Variants in ANTXR1 observed in about 807,000 individuals in gnomAD.
ANTXR1 encodes ANTXR cell adhesion molecule 1.
ANTXR1 carries 19 observed loss-of-function variants against 78.1 expected under a neutral mutation model. That is an observed-to-expected ratio of 0.24 (90% CI 0.17 to 0.36). The LOEUF (loss-of-function observed/expected upper bound fraction) is 0.36, where lower values mean the gene tolerates loss of function less well. ANTXR1 is among the 10% of genes least tolerant of loss of function. The probability of loss-of-function intolerance (pLI) is 1.00; values close to 1 mark genes in which losing one functional copy is unlikely to be tolerated. For missense variants in ANTXR1, 518 were observed against 718.6 expected (o/e 0.72, Z 3.19); for synonymous variants, 273 against 260.5 (o/e 1.05, Z -0.46).
chr2:69,209,475 A>C (rs1395231358), intron 17 of ANTXR1, among the ~76,000 whole-genome samples: 1 of 152,240 alleles, frequency 6.6e-6, no homozygotes, highest in African/African-American at 2.4e-5. Flanking sequence ...TTGTTGTGCT[A>C]AACACTAGTA....
chr2:69,089,851 G>A (rs1450502216), intron 8 of ANTXR1, among the ~76,000 whole-genome samples: 2 of 152,132 alleles, frequency 1.3e-5, no homozygotes, highest in African/African-American at 4.8e-5. Context: ...CATTTGGTTG[G>A]TAAATTAACT....
chr2:69,152,419 G>A (rs997798671), intron 13 of ANTXR1, among the ~76,000 whole-genome samples, 155 bp downstream of exon 13: 1 of 152,188 alleles, frequency 6.6e-6, no homozygotes, highest in African/African-American at 2.4e-5. Flanking sequence ...AACTGACATT[G>A]ATCAATGGAA....
At chr2:69,200,295 A>C (rs1243074623) in intron 17 of ANTXR1, among the ~76,000 whole-genome samples, 1 of 152,246 alleles carries the variant, frequency 6.6e-6, no homozygotes, top group East Asian at 1.9e-4. Context: ...GTAAATGTAC[A>C]TAAACAATGT....
chr2:69,247,708 T>C lies in ANTXR1; in HGVS notation c.*2223T>C, dbSNP rs1040450205. 6.6e-6 allele frequency: 1 copy of C among 152,536 alleles called. No individual in the cohort carries two copies. The highest frequency in any genetic ancestry group is 1.5e-5 in the Non-Finnish European group (1 of 68,016). 9.4% of individuals were successfully genotyped at this position (152,536 alleles called of 1,614,324 possible). On this transcript the variant is annotated 3_prime_UTR_variant, in exon 18 of 18. Transcript: ENST00000303714. ...GACATTGAGCCCATCACAACTGTTT[T>C]GACTGCTGGCAGTCTAAAACAGTCC...
intron 17 of ANTXR1, among the ~76,000 whole-genome samples, chr2:69,227,928 G>T (rs1033113801): frequency 6.6e-6 from 1 of 152,206 alleles, no homozygotes; most frequent in Non-Finnish European, 1.5e-5. Context: ...AGCAGCTTTT[G>T]CAAGGAAGGC....
At chr2:69,028,838 T>C (rs1264510454) in intron 1 of ANTXR1, among the ~76,000 whole-genome samples, 4 of 152,142 alleles carry the variant, frequency 2.6e-5, no homozygotes, top group Non-Finnish European at 4.4e-5. Flanking sequence ...ACATTGAATA[T>C]TGCAAAAAAG....
chr2:69,023,221 T>C (rs1184085499), intron 1 of ANTXR1, among the ~76,000 whole-genome samples: 1 of 152,204 alleles, frequency 6.6e-6, no homozygotes, highest in Non-Finnish European at 1.5e-5. Flanking sequence ...TTAAAACCTT[T>C]AATTAACCAT....
At chr2:69,056,669 CT>C (rs1025303514) in intron 3 of ANTXR1, among the ~76,000 whole-genome samples, 3 of 151,840 alleles carry the variant, frequency 2.0e-5, no homozygotes, top group African/African-American at 7.3e-5. Context: ...TCATATTAAA[CT>C]TTTTTTAAAA....
chr2:69,195,042 C>T (rs1674636494), intron 17 of ANTXR1, among the ~76,000 whole-genome samples: 1 of 151,208 alleles, frequency 6.6e-6, no homozygotes, highest in Non-Finnish European at 1.5e-5. Context: ...GTGGTGGGCA[C>T]CTGTAATCCC....
intron 8 of ANTXR1, among the ~76,000 whole-genome samples, chr2:69,084,562 G>A (rs1573856875): frequency 6.8e-6 from 1 of 146,278 alleles, no homozygotes; most frequent in Non-Finnish European, 1.5e-5. Flanking sequence ...AAATACGTGT[G>A]TATAATATTC....
intron 3 of ANTXR1, among the ~76,000 whole-genome samples, chr2:69,045,542 G>T (rs185183683): frequency 6.6e-6 from 1 of 152,100 alleles, no homozygotes. Context: ...ACACATGTGG[G>T]ATTATTGGGA....
chr2:69,103,340 A>G (rs1014171245), intron 10 of ANTXR1: 2 of 322,126 alleles, frequency 6.2e-6, no homozygotes, highest in Non-Finnish European at 1.2e-5. Context: ...CAGAAACATG[A>G]GCCTCCTTAA....
At chr2:69,170,398 G>C (rs1265461794) in intron 14 of ANTXR1, 109 bp downstream of exon 14, 1 of 1,318,350 alleles carries the variant, frequency 7.6e-7, no homozygotes, top group Non-Finnish European at 1.1e-6. Context: ...GCTAAGTCAA[G>C]CTCAAAGGAT....
intron 12 of ANTXR1, among the ~76,000 whole-genome samples, chr2:69,142,924 C>A (rs904660791): frequency 1.3e-5 from 2 of 152,134 alleles, no homozygotes; most frequent in African/African-American, 4.8e-5. Context: ...CCAGGGATTT[C>A]ATGGACCCCC....
chr2:69,102,698 TG>T, intron 9 of ANTXR1, 143 bp from the exon 10 acceptor site: 1 of 840,996 alleles, frequency 1.2e-6, no homozygotes, highest in Non-Finnish European at 2.0e-6. Flanking sequence ...GGAACCCACC[TG>T]GTTGCTTTTG....
intron 12 of ANTXR1, chr2:69,145,373 A>G (rs1469517998): frequency 6.3e-7 from 1 of 1,597,600 alleles, no homozygotes; most frequent in Non-Finnish European, 8.5e-7. Flanking sequence ...CTTGCATGGA[A>G]TAGCAGAGAA....
chr2:69,178,902 G>A (rs1027342006), intron 14 of ANTXR1, among the ~76,000 whole-genome samples: 6 of 152,132 alleles, frequency 3.9e-5, no homozygotes, highest in African/African-American at 1.2e-4. Context: ...GAACCTAGTT[G>A]AGTCCCCTGT....
At chr2:69,079,714 G>A (rs1269295723) in intron 8 of ANTXR1, among the ~76,000 whole-genome samples, 1 of 152,218 alleles carries the variant, frequency 6.6e-6, no homozygotes, top group African/African-American at 2.4e-5. Context: ...GCATACGTGG[G>A]AGGGAGACTG....
rs769921054 is a variant in ANTXR1, at chr2:69,167,393, AAC to A, written c.1048-2851_1048-2850del. On this transcript the variant is annotated intron_variant, in intron 13 of 17. Coordinates refer to ENST00000303714, the MANE Select transcript of ANTXR1 (RefSeq NM_032208.3). ...TTTTGCCCAAGCTGCTCCTCCAGGCAACACAGACTCTGGCCCTGAGGGGAGTG... is the reference window on the plus strand; with the variant it reads ...TTTTGCCCAAGCTGCTCCTCCAGGCAACAGACTCTGGCCCTGAGGGGAGTG... 3.9e-5 allele frequency among the ~76,000 whole-genome samples: 6 copies of A among 152,342 alleles called. No homozygotes were observed. The East Asian group carries it at 9.6e-4, about 24-fold the overall frequency.
Sources: allele counts gnomAD v4.1 joint callset (sites outside exome capture counted in the v4.1 genomes callset), GRCh38; gene constraint gnomAD v4.1.1; transcripts MANE v1.5; gene names NCBI Gene and HGNC (gene_info 2026-07-23, HGNC 2026-07-21).